The following CCDC50 variants were observed in gnomAD, a reference collection of about 807,000 sequenced individuals.
The protein encoded by CCDC50 is coiled-coil domain containing 50, also known as coiled-coil domain-containing protein 50.
Under a neutral mutation model 70.2 loss-of-function variants are expected in CCDC50, and 54 were observed. The ratio of observed to expected loss-of-function variants is 0.77; its 90% CI spans 0.62 to 0.96. The LOEUF (loss-of-function observed/expected upper bound fraction) is 0.96. Ranked by LOEUF, CCDC50 falls within the 50% of genes least tolerant of loss-of-function variation. The pLI, the probability that CCDC50 is intolerant of heterozygous loss-of-function variation, is 0.00. For missense variants in CCDC50, 558 were observed against 578.7 expected, an observed-to-expected ratio of 0.96 and a Z score of 0.37; for synonymous variants, 216 against 198.8, an observed-to-expected ratio of 1.09 and a Z score of -0.73.
In CCDC50 at chr3:191,397,682, G is replaced by C. The variant is rs1425534960; in HGVS notation, c.*5922G>C. 1.9e-5 allele frequency: 2 copies of C among 106,098 alleles called. No individual in the cohort carries two copies. Among genetic ancestry groups the C allele is most frequent in the African/African-American group, 1.4e-4 (2 of 14,568 alleles). The allele number at this position is 106,098 out of a possible 1,614,324, so 6.6% of individuals were successfully genotyped here. On this transcript the variant is annotated 3_prime_UTR_variant, in exon 12 of 12. Coordinates refer to ENST00000392455, the MANE Select transcript of CCDC50 (RefSeq NM_178335.3). ...AATTTAGAAACGTGATCTCTTGAGA[G>C]AGAGACTACGCATTGCCTGGGCACT...
intron 3 of CCDC50, among the ~76,000 whole-genome samples, chr3:191,359,130 G>C (rs1029094651): frequency 2.0e-5 from 3 of 152,166 alleles, no homozygotes; most frequent in Non-Finnish European, 4.4e-5. Flanking sequence ...CTAGAGATAC[G>C]TGCATGAGTC....
At chr3:191,337,222 T>C (rs1711553137) in intron 1 of CCDC50, among the ~76,000 whole-genome samples, 1 of 152,190 alleles carries the variant, frequency 6.6e-6, no homozygotes, top group Non-Finnish European at 1.5e-5. Flanking sequence ...TTTAAAAAAC[T>C]TTGTTATTTA....
At chr3:191,337,586 G>A (rs771109400) in intron 1 of CCDC50, among the ~76,000 whole-genome samples, 2 of 151,714 alleles carry the variant, frequency 1.3e-5, no homozygotes, top group Non-Finnish European at 2.9e-5. Context: ...CTCGTGATCC[G>A]CCCATCTCGG....
At chr3:191,330,889 A>G (rs1407942330) in intron 1 of CCDC50, among the ~76,000 whole-genome samples, 3 of 152,148 alleles carry the variant, frequency 2.0e-5, no homozygotes, top group Non-Finnish European at 1.5e-5. Flanking sequence ...TGATGGGCCT[A>G]GTTCTGTCTT....
At chr3:191,367,430 C>A (rs1163614763) in intron 4 of CCDC50, among the ~76,000 whole-genome samples, 1 of 152,046 alleles carries the variant, frequency 6.6e-6, no homozygotes, top group Non-Finnish European at 1.5e-5. Flanking sequence ...TCTCTTTTCT[C>A]CAAATGTTAA....
At chr3:191,376,567 T>C (rs1323843599) in intron 6 of CCDC50, among the ~76,000 whole-genome samples, 3 of 152,068 alleles carry the variant, frequency 2.0e-5, no homozygotes, top group Non-Finnish European at 4.4e-5. Context: ...CGGATTCAGG[T>C]TAAGTTGGTT....
rs770452976 is a variant in CCDC50, at chr3:191,397,206, TATC to T, written c.*5449_*5451del. 1 of 152,206 alleles carries T rather than the reference TATC, an allele frequency of 6.6e-6. No homozygotes were observed. Among genetic ancestry groups the T allele is most frequent in the South Asian group, 2.1e-4 (1 of 4,838 alleles). 9.4% of individuals were successfully genotyped at this position (152,206 alleles called of 1,614,324 possible). A position where few individuals can be genotyped will look rare whatever the true frequency, so the allele number is the denominator to read the frequency against. On this transcript the variant is annotated 3_prime_UTR_variant, in exon 12 of 12. Coordinates refer to ENST00000392455, the MANE Select transcript of CCDC50 (RefSeq NM_178335.3). ...ACAGCTAAGAGAACATACTATGACA[TATC>T]ATAGAATTGGGATACATTTTTGTTG...
At chr3:191,376,690 C>T (rs1431370668) in intron 6 of CCDC50, among the ~76,000 whole-genome samples, 1 of 152,110 alleles carries the variant, frequency 6.6e-6, no homozygotes, top group Admixed American at 6.6e-5. Flanking sequence ...AGGCTTTGTG[C>T]TTGGATTTCA....
At position 191,329,580 on chromosome 3, in the gene CCDC50, C is replaced by G. The variant is rs1251263709; in HGVS notation, c.-95C>G. On this transcript the variant is annotated 5_prime_UTR_variant, in exon 1 of 12. Coordinates refer to ENST00000392455, the MANE Select transcript of CCDC50 (RefSeq NM_178335.3). ...GAGCCCTGCCGGCCGGACTTTGCGC[C>G]GCGTCCGGCGCTGCTGCTGCGCTCG... 1.5e-6 allele frequency: 2 copies of G among 1,335,496 alleles called. No homozygotes were observed. The highest frequency in any genetic ancestry group is 3.1e-5 in the African/African-American group (2 of 65,202). 82.7% of individuals were successfully genotyped at this position (1,335,496 alleles called of 1,614,324 possible). A position where few individuals can be genotyped will look rare whatever the true frequency, so the allele number is the denominator to read the frequency against.
At chr3:191,362,259 A>G (rs1712518921) in intron 4 of CCDC50, among the ~76,000 whole-genome samples, 1 of 152,042 alleles carries the variant, frequency 6.6e-6, no homozygotes, top group African/African-American at 2.4e-5. Context: ...CTGGGACTAC[A>G]GGCACACGCG....
chr3:191,347,323 A>G (rs1711960378), intron 1 of CCDC50, among the ~76,000 whole-genome samples: 4 of 141,796 alleles, frequency 2.8e-5, no homozygotes, highest in African/African-American at 5.0e-5. Flanking sequence ...GTTTGCAACT[A>G]CAGGGGAGTT....
intron 11 of CCDC50, among the ~76,000 whole-genome samples, chr3:191,391,113 ATATAT>A (rs10598903): frequency 0.18 from 26,953 of 152,066 alleles, 3,975 homozygotes; most frequent in African/African-American, 0.4. Context: ...GACTTTGCAA[ATATAT>A]TATATCTCAT....
At chr3:191,332,115 AGGGGAT>A (rs1718007962) in intron 1 of CCDC50, among the ~76,000 whole-genome samples, 1 of 152,138 alleles carries the variant, frequency 6.6e-6, no homozygotes, top group African/African-American at 2.4e-5. Context: ...GCTGTTTAGG[AGGGGAT>A]GGGGCACCCT....
At chr3:191,384,929 G>C (rs1358076510) in intron 10 of CCDC50, among the ~76,000 whole-genome samples, 1 of 152,126 alleles carries the variant, frequency 6.6e-6, no homozygotes, top group East Asian at 1.9e-4. Context: ...TTAGTTTTCT[G>C]TTTCTGTGTT....
At chr3:191,338,232 T>A (rs75023313) in intron 1 of CCDC50, among the ~76,000 whole-genome samples, 1 of 152,240 alleles carries the variant, frequency 6.6e-6, no homozygotes, top group African/African-American at 2.4e-5. Flanking sequence ...AGTATTATAT[T>A]CACTAATTTT....
chr3:191,368,239 G>A (rs1712766783), intron 4 of CCDC50, among the ~76,000 whole-genome samples: 1 of 151,792 alleles, frequency 6.6e-6, no homozygotes. Context: ...CAAAGTCTTA[G>A]AAACTCAGAG....
intron 3 of CCDC50, 82 bp downstream of exon 3, chr3:191,358,206 C>A: frequency 6.6e-7 from 1 of 1,526,168 alleles, no homozygotes; most frequent in Non-Finnish European, 9.0e-7. Context: ...GAGAAGGAGA[C>A]TACTTCTGTT....
At chr3:191,381,454 G>A (rs908104805) in intron 9 of CCDC50, among the ~76,000 whole-genome samples, 3 of 152,080 alleles carry the variant, frequency 2.0e-5, no homozygotes, top group Non-Finnish European at 4.4e-5. Context: ...GAGTTTGGAC[G>A]GTTATCTTTC....
chr3:191,336,912 G>T (rs1428549490), intron 1 of CCDC50, among the ~76,000 whole-genome samples: 1 of 152,186 alleles, frequency 6.6e-6, no homozygotes, highest in Non-Finnish European at 1.5e-5. Flanking sequence ...ACTGCCACTT[G>T]TTTTGTATAG....
Sources: gnomAD v4.1 joint callset for allele counts (sites outside exome capture counted in the v4.1 genomes callset) on GRCh38, gnomAD v4.1.1 for gene constraint, MANE v1.5 for transcripts, NCBI Gene and HGNC (gene_info 2026-07-23, HGNC 2026-07-21) for gene names.